TMEM63C: variants seen among roughly 807,000 people sequenced by gnomAD.
The protein encoded by TMEM63C is osmosensitive cation channel TMEM63C.
TMEM63C carries 32 observed loss-of-function variants against 99.2 expected under a neutral mutation model. That is an observed-to-expected ratio of 0.32 (90% CI 0.24 to 0.43). The LOEUF (loss-of-function observed/expected upper bound fraction) is 0.43, where lower values mean the gene tolerates loss of function less well. Ranked by LOEUF, TMEM63C falls within the 20% of genes least tolerant of loss-of-function variation. TMEM63C has a pLI of 1.00. For synonymous variants in TMEM63C, 376 were observed against 397.9 expected (o/e 0.94, Z 0.66); for missense variants, 826 against 1,053.0 (o/e 0.78, Z 2.98).
intron 12 of TMEM63C, 141 bp downstream of exon 12, chr14:77,239,867 C>T (rs1889134503): frequency 2.4e-6 from 3 of 1,236,524 alleles, no homozygotes; most frequent in Non-Finnish European, 3.3e-6. Context: ...CCTTCCTCCC[C>T]ATCCACCATG....
chr14:77,182,412 T>A (rs548872093), intron 1 of TMEM63C, among the ~76,000 whole-genome samples: 1 of 152,324 alleles, frequency 6.6e-6, no homozygotes, highest in Admixed American at 6.5e-5. Context: ...AATGCCACCC[T>A]TTCCCCATGT....
intron 13 of TMEM63C, among the ~76,000 whole-genome samples, chr14:77,241,376 C>G (rs1019999809): frequency 6.6e-6 from 1 of 152,346 alleles, no homozygotes; most frequent in East Asian, 1.9e-4. Flanking sequence ...TCTGCCCCAG[C>G]CTCTGGCAGC....
intron 6 of TMEM63C, among the ~76,000 whole-genome samples, chr14:77,227,199 G>T (rs1189365292): frequency 6.6e-6 from 1 of 152,144 alleles, no homozygotes; most frequent in East Asian, 1.9e-4. Context: ...GAGAGTGAAT[G>T]GCATTAGAGA....
intron 6 of TMEM63C, among the ~76,000 whole-genome samples, chr14:77,229,632 A>ATATATATATAT (rs59641845): frequency 1.1e-4 from 16 of 144,062 alleles, no homozygotes; most frequent in East Asian, 2.2e-4. Context: ...ATATATATAT[A>ATATATATATAT]GTAGAGATGG....
intron 1 of TMEM63C, among the ~76,000 whole-genome samples, chr14:77,193,834 CAA>C (rs11337848): frequency 0.02 from 2,586 of 132,000 alleles, 57 homozygotes; most frequent in African/African-American, 0.065. Context: ...AACTCCGTCT[CAA>C]AAAAAAAAAA....
intron 12 of TMEM63C, 98 bp downstream of exon 12, chr14:77,239,824 A>T: frequency 6.7e-7 from 1 of 1,484,938 alleles, no homozygotes; most frequent in Non-Finnish European, 9.0e-7. Flanking sequence ...CCCAGGCCTC[A>T]CTCAGGTCTG....
chr14:77,242,575 A>C, intron 14 of TMEM63C, 106 bp downstream of exon 14: 2 of 1,431,734 alleles, frequency 1.4e-6, no homozygotes, highest in Non-Finnish European at 1.9e-6. Flanking sequence ...AGAGACTCCA[A>C]GGGGACTAAG....
At chr14:77,197,412 T>C (rs539011297) in intron 1 of TMEM63C, among the ~76,000 whole-genome samples, 19 of 152,240 alleles carry the variant, frequency 1.2e-4, no homozygotes, top group Non-Finnish European at 2.6e-4. Flanking sequence ...TTGTTCAAGA[T>C]TATTAGAAGA....
At chr14:77,252,316 C>G (rs1452570650) in intron 22 of TMEM63C, among the ~76,000 whole-genome samples, 1 of 152,168 alleles carries the variant, frequency 6.6e-6, no homozygotes, top group African/African-American at 2.4e-5. Context: ...CATTTTCTCT[C>G]CTTTAAGACC....
rs1889486806 is a variant in TMEM63C, at chr14:77,257,457, A to G, written c.*731A>G. 1 of 152,012 alleles carries G rather than the reference A, an allele frequency of 6.6e-6. No individual in the cohort carries two copies. The highest frequency in any genetic ancestry group is 1.5e-5 in the Non-Finnish European group (1 of 67,982). The allele number at this position is 152,012 out of a possible 1,614,324, so 9.4% of individuals were successfully genotyped here. The stretch of plus-strand genomic sequence containing the variant: ...GATCACTCAGGGCTCATCAAATGAG[A>G]CTCGTGTGCATTTTTCAGAAGGAAA... On this transcript the variant is annotated 3_prime_UTR_variant, in exon 24 of 24. Coordinates refer to ENST00000298351, the MANE Select transcript of TMEM63C (RefSeq NM_020431.4).
intron 1 of TMEM63C, among the ~76,000 whole-genome samples, chr14:77,183,668 C>T (rs1378448765): frequency 6.6e-6 from 1 of 152,184 alleles, no homozygotes; most frequent in Non-Finnish European, 1.5e-5. Context: ...TGCCATGTGC[C>T]TGGCTCATGA....
intron 9 of TMEM63C, among the ~76,000 whole-genome samples, chr14:77,238,416 G>A (rs1451305950): frequency 6.6e-6 from 1 of 152,208 alleles, no homozygotes; most frequent in Admixed American, 6.5e-5. Flanking sequence ...CCGGAGCAGG[G>A]CACCCACAGC....
At chr14:77,219,371 A>G in intron 3 of TMEM63C, 127 bp from the exon 4 acceptor site, 1 of 895,470 alleles carries the variant, frequency 1.1e-6, no homozygotes. Context: ...AACAGAGCTC[A>G]CCTTCTAGTG....
intron 1 of TMEM63C, among the ~76,000 whole-genome samples, chr14:77,188,919 C>T: frequency 6.6e-6 from 1 of 152,064 alleles, no homozygotes; most frequent in East Asian, 1.9e-4. Context: ...AACTATGATA[C>T]TGTGCAGCAG....
At chr14:77,225,329 G>A (rs113553327) in intron 5 of TMEM63C, 95 bp from the exon 6 acceptor site, 24 of 1,174,122 alleles carry the variant, frequency 2.0e-5, no homozygotes, top group Admixed American at 2.5e-5. Flanking sequence ...ACGCTGCCGC[G>A]GCTGCCTCAG....
At chr14:77,234,048 C>A (rs966762470) in intron 8 of TMEM63C, among the ~76,000 whole-genome samples, 1 of 152,180 alleles carries the variant, frequency 6.6e-6, no homozygotes, top group South Asian at 2.1e-4. Context: ...GCTCCTTCCC[C>A]TCACAGGCCA....
chr14:77,212,829 G>T (rs1888514653), intron 1 of TMEM63C, among the ~76,000 whole-genome samples: 1 of 152,284 alleles, frequency 6.6e-6, no homozygotes, highest in South Asian at 2.1e-4. Context: ...CAACCTGCTG[G>T]ATGGAATTCC....
At chr14:77,234,440 G>T (rs451303) in intron 8 of TMEM63C, among the ~76,000 whole-genome samples, 4 of 152,154 alleles carry the variant, frequency 2.6e-5, no homozygotes, top group Non-Finnish European at 5.9e-5. Flanking sequence ...GCTGGCCCGA[G>T]GTACCTACAT....
chr14:77,228,615 C>T (rs536243263), intron 6 of TMEM63C, among the ~76,000 whole-genome samples: 1 of 151,596 alleles, frequency 6.6e-6, no homozygotes, highest in African/African-American at 2.4e-5. Flanking sequence ...CAGCTCACTG[C>T]AACCTCCGCC....
Sources: allele counts gnomAD v4.1 joint callset (sites outside exome capture counted in the v4.1 genomes callset), GRCh38; gene constraint gnomAD v4.1.1; transcripts MANE v1.5; gene names NCBI Gene and HGNC (gene_info 2026-07-23, HGNC 2026-07-21).